Variants in XKR9 observed in about 807,000 individuals in gnomAD.
XKR9 encodes XK related 9, also known as XK-related protein 9.
XKR9 carries 32 observed loss-of-function variants against 32.0 expected under a neutral mutation model. The ratio of observed to expected loss-of-function variants is 1.00; its 90% confidence interval spans 0.76 to 1.34. The LOEUF is 1.34. XKR9 is among the 40% of genes most tolerant of loss of function. The pLI, the probability that XKR9 is intolerant of heterozygous loss-of-function variation, is 0.00. For synonymous variants in XKR9, 168 were observed against 143.4 expected, an observed-to-expected ratio of 1.17 and a Z score of -1.22; for missense variants, 546 against 429.7, an observed-to-expected ratio of 1.27 and a Z score of -2.39.
At chr8:70,890,667 C>T in the XKR9 span, among the ~76,000 whole-genome samples, 24 of 151,900 alleles carry the variant, frequency 1.6e-4, no homozygotes, top group Admixed American at 6.6e-4. Flanking sequence ...TTGATCATGA[C>T]GAATGATCTT....
At chr8:71,056,038 G>A in the XKR9 span, among the ~76,000 whole-genome samples, 1 of 152,122 alleles carries the variant, frequency 6.6e-6, no homozygotes, top group Non-Finnish European at 1.5e-5. Flanking sequence ...GCCAAAAGAT[G>A]GTCTGATAAC....
the XKR9 span, among the ~76,000 whole-genome samples, chr8:70,893,568 G>C: frequency 6.6e-6 from 1 of 152,174 alleles, no homozygotes; most frequent in African/African-American, 2.4e-5. Context: ...CTTCCAGACA[G>C]GTGCAGTGCT....
the XKR9 span, among the ~76,000 whole-genome samples, chr8:70,800,374 C>T: frequency 6.6e-6 from 1 of 152,072 alleles, no homozygotes; most frequent in South Asian, 2.1e-4. Context: ...ATGCTGGCCT[C>T]ATAAAATGAG....
chr8:70,895,714 A>G, the XKR9 span, among the ~76,000 whole-genome samples: 1 of 150,916 alleles, frequency 6.6e-6, no homozygotes, highest in Non-Finnish European at 1.5e-5. Flanking sequence ...GCTGTGTGCA[A>G]TGGTTCATGC....
chr8:70,813,316 G>A, the XKR9 span, among the ~76,000 whole-genome samples: 1 of 152,174 alleles, frequency 6.6e-6, no homozygotes, highest in Non-Finnish European at 1.5e-5. Flanking sequence ...AGACTTACAT[G>A]TTAGACCTAA....
At chr8:70,700,733 G>T (rs1381993933) in intron 3 of XKR9, among the ~76,000 whole-genome samples, 4 of 152,200 alleles carry the variant, frequency 2.6e-5, no homozygotes, top group Admixed American at 6.5e-5. Flanking sequence ...CAGGGACATT[G>T]AAGTCTGCAG....
the XKR9 span, among the ~76,000 whole-genome samples, chr8:70,994,557 G>T: frequency 6.6e-6 from 1 of 151,628 alleles, no homozygotes; most frequent in Non-Finnish European, 1.5e-5. Context: ...GCATTTTGTT[G>T]TTTTCAGTTT....
chr8:70,704,631 C>T (rs1805656375), intron 3 of XKR9, among the ~76,000 whole-genome samples: 1 of 152,148 alleles, frequency 6.6e-6, no homozygotes. Flanking sequence ...TTCTTAACTA[C>T]TTTGCTCTGC....
At chr8:70,710,195 A>G (rs1037417310) in intron 4 of XKR9, among the ~76,000 whole-genome samples, 3 of 152,172 alleles carry the variant, frequency 2.0e-5, no homozygotes, top group African/African-American at 7.2e-5. Flanking sequence ...CAGGGAAAGG[A>G]CTGTCTATTC....
At chr8:70,723,826 A>G (rs1806363186) in intron 4 of XKR9, among the ~76,000 whole-genome samples, 1 of 151,638 alleles carries the variant, frequency 6.6e-6, no homozygotes, top group Admixed American at 6.6e-5. Context: ...TCTGTCCCTT[A>G]TCAGAGCTTA....
chr8:71,034,553 A>G, the XKR9 span, among the ~76,000 whole-genome samples: 5 of 152,190 alleles, frequency 3.3e-5, no homozygotes, highest in African/African-American at 1.2e-4. Context: ...TTGTCATGTA[A>G]GAATCTGATT....
chr8:70,960,316 C>T, the XKR9 span, among the ~76,000 whole-genome samples: 3 of 152,086 alleles, frequency 2.0e-5, no homozygotes, highest in African/African-American at 7.2e-5. Context: ...GGCCCAGCAT[C>T]TATTTTCCCT....
In XKR9 at chr8:70,707,018, C is replaced by T. The variant is rs115282615; in HGVS notation, c.358C>T (p.Leu120=). The T allele has an allele frequency of 4.0e-3, 6,498 of 1,613,264 alleles. 262 individuals are homozygous for T. In the African/African-American group the frequency reaches 0.076, roughly 19 times the overall value. ...TAACTTCGTGGAAGAACAAATTGAT[C>T]TACATAAAGAAGTTATAGATAGAGT... is the stretch of plus-strand genomic sequence containing the variant. The part of the protein sequence containing the change: ...TSNFVEEQID[L]HKEVIDRVTD... The change falls in exon 4 of 5, where the codon CTA becomes TTA. Residue 120 remains leucine (L), a synonymous_variant. Transcript: ENST00000408926.
intron 3 of XKR9, among the ~76,000 whole-genome samples, chr8:70,694,145 C>G (rs1805173964): frequency 6.6e-6 from 1 of 152,206 alleles, no homozygotes; most frequent in Non-Finnish European, 1.5e-5. Flanking sequence ...CCAGTGAAGG[C>G]TGTGAAACAG....
chr8:71,048,575 T>C, the XKR9 span, among the ~76,000 whole-genome samples: 3 of 152,228 alleles, frequency 2.0e-5, no homozygotes, highest in Non-Finnish European at 4.4e-5. Context: ...TATTACAAAA[T>C]ATCTGGATGT....
chr8:70,721,044 C>G (rs34756730), intron 4 of XKR9, among the ~76,000 whole-genome samples: 16,991 of 152,082 alleles, frequency 0.11, 1,112 homozygotes, highest in African/African-American at 0.18. Flanking sequence ...CGTGTGTGTC[C>G]AGGAATTTAT....
At chr8:70,856,270 G>A in the XKR9 span, among the ~76,000 whole-genome samples, 1 of 152,064 alleles carries the variant, frequency 6.6e-6, no homozygotes, top group Non-Finnish European at 1.5e-5. Flanking sequence ...TCAAAATAAA[G>A]GGATGAAGGA....
chr8:70,925,305 C>T, the XKR9 span, among the ~76,000 whole-genome samples: 1 of 151,978 alleles, frequency 6.6e-6, no homozygotes, highest in Non-Finnish European at 1.5e-5. Context: ...TATAAGCCTC[C>T]TATAAATATG....
At chr8:71,029,077 C>CTA in the XKR9 span, among the ~76,000 whole-genome samples, 26 of 152,196 alleles carry the variant, frequency 1.7e-4, no homozygotes, top group African/African-American at 5.5e-4. Context: ...TCTGCAGGAC[C>CTA]CCACGTGAGC....
Sources: allele counts gnomAD v4.1 joint callset (sites outside exome capture counted in the v4.1 genomes callset), GRCh38; gene constraint gnomAD v4.1.1; transcripts MANE v1.5; gene names NCBI Gene and HGNC (gene_info 2026-07-23, HGNC 2026-07-21).